Variants in EMCN observed in about 807,000 individuals in gnomAD.
EMCN encodes endomucin.
In EMCN, 37 loss-of-function variants were observed where a neutral mutation model predicts 38.4. That is an observed-to-expected ratio of 0.96 (90% CI 0.74 to 1.27). The LOEUF is 1.27. Among genes scored for constraint, EMCN ranks in the 50% most tolerant of loss-of-function variants. The pLI is 0.00. For synonymous variants in EMCN, 95 were observed against 100.8 expected (o/e 0.94, Z 0.35); for missense variants, 318 against 302.8 (o/e 1.05, Z -0.37).
chr4:100,479,365 G>GT (rs978392146), intron 2 of EMCN, among the ~76,000 whole-genome samples: 11 of 151,520 alleles, frequency 7.3e-5, no homozygotes, highest in South Asian at 2.1e-4. Flanking sequence ...ATAATCTCTT[G>GT]TTTTTTTTAA....
intron 11 of EMCN, among the ~76,000 whole-genome samples, chr4:100,398,696 A>G (rs530655657): frequency 2.0e-5 from 3 of 152,174 alleles, no homozygotes; most frequent in African/African-American, 7.2e-5. Context: ...CTCACTCCCC[A>G]TTGGCCACAT....
At chr4:100,423,784 A>G (rs1726966955) in intron 5 of EMCN, among the ~76,000 whole-genome samples, 1 of 152,024 alleles carries the variant, frequency 6.6e-6, no homozygotes. Context: ...TTTTTCTATC[A>G]CACATAGTTA....
intron 5 of EMCN, among the ~76,000 whole-genome samples, chr4:100,434,084 G>T (rs1457072138): frequency 6.6e-6 from 1 of 151,972 alleles, no homozygotes; most frequent in Non-Finnish European, 1.5e-5. Context: ...ATGAATCCAG[G>T]AGTTGGCTTT....
intron 2 of EMCN, among the ~76,000 whole-genome samples, chr4:100,479,282 A>G (rs1234137663): frequency 6.8e-6 from 1 of 147,444 alleles, no homozygotes; most frequent in Non-Finnish European, 1.5e-5. Flanking sequence ...TTTTCCATTG[A>G]TTACAGGACC....
At chr4:100,400,359 T>TG (rs1726223126) in intron 11 of EMCN, among the ~76,000 whole-genome samples, 1 of 147,146 alleles carries the variant, frequency 6.8e-6, no homozygotes, top group African/African-American at 2.5e-5. Context: ...CCACATTTTT[T>TG]TTTTTTGTTT....
At chr4:100,517,660 C>A (rs905592833) in intron 1 of EMCN, among the ~76,000 whole-genome samples, 191 bp downstream of exon 1, 1 of 152,050 alleles carries the variant, frequency 6.6e-6, no homozygotes, top group African/African-American at 2.4e-5. Flanking sequence ...AAACATTTCC[C>A]TTCAGTAGAA....
At chr4:100,466,160 C>T (rs1263910751) in intron 3 of EMCN, among the ~76,000 whole-genome samples, 1 of 152,098 alleles carries the variant, frequency 6.6e-6, no homozygotes, top group Non-Finnish European at 1.5e-5. Flanking sequence ...AATAAGATGA[C>T]TTGAAACAAC....
At chr4:100,414,456 G>T (rs1177102814) in intron 10 of EMCN, among the ~76,000 whole-genome samples, 1 of 149,890 alleles carries the variant, frequency 6.7e-6, no homozygotes, top group East Asian at 2.0e-4. Context: ...ACTGTGAGTG[G>T]CTTCTAACCA....
chr4:100,479,226 T>C (rs1321111101), intron 2 of EMCN, among the ~76,000 whole-genome samples: 5 of 152,210 alleles, frequency 3.3e-5, no homozygotes, highest in Admixed American at 2.0e-4. Context: ...TCTATGACCT[T>C]AGCATTCTAA....
At position 100,442,175 on chromosome 4, in the gene EMCN, A is replaced by G. The variant is rs534789775; in HGVS notation, c.415+5358T>C. Among the ~76,000 whole-genome samples, 19 of 152,300 alleles carry G rather than the reference A, an allele frequency of 1.2e-4. No homozygotes were observed. The South Asian group carries it at 3.7e-3, about 30-fold the overall frequency. ...TTTGTTGAACATAGTATAGTTGGCT[A>G]GCAATGCTTTTGTTCTTTCAGCTCT... On this transcript the variant is annotated intron_variant, in intron 5 of 11. Transcript: ENST00000296420.
intron 5 of EMCN, among the ~76,000 whole-genome samples, chr4:100,432,368 T>G (rs958942601): frequency 6.6e-6 from 1 of 152,110 alleles, no homozygotes; most frequent in Non-Finnish European, 1.5e-5. Context: ...TTATCTGAAG[T>G]TCACCCATGA....
At position 100,517,965 on chromosome 4, in the gene EMCN, C is replaced by A. The variant is rs757330047; in HGVS notation, c.-51G>T. On this transcript the variant is annotated 5_prime_UTR_variant, in exon 1 of 12. Coordinates refer to ENST00000296420, the MANE Select transcript of EMCN (RefSeq NM_016242.4). The stretch of plus-strand genomic sequence containing the variant: ...TTCTTTCTCCAGAAGCAGGCAGGGA[C>A]AATTCCCTCCCAGCCTGGCAGGGCC... The A allele has an allele frequency of 1.3e-6, 2 of 1,574,550 alleles. No homozygotes were observed. The highest frequency in any genetic ancestry group is 1.7e-6 in the Non-Finnish European group (2 of 1,144,492).
intron 5 of EMCN, among the ~76,000 whole-genome samples, chr4:100,425,909 C>A (rs935918772): frequency 6.6e-6 from 1 of 151,994 alleles, no homozygotes; most frequent in Non-Finnish European, 1.5e-5. Flanking sequence ...TGGACCCTGA[C>A]TTTTGGTGAT....
chr4:100,480,113 G>A (rs140584761), intron 1 of EMCN, 74 bp from the exon 2 acceptor site: 2 of 1,310,664 alleles, frequency 1.5e-6, no homozygotes, highest in Non-Finnish European at 2.1e-6. Flanking sequence ...ATTTAAACAA[G>A]TGTACTGGTC....
At chr4:100,468,729 TA>T (rs536743664) in intron 3 of EMCN, among the ~76,000 whole-genome samples, 10 of 151,930 alleles carry the variant, frequency 6.6e-5, no homozygotes, top group South Asian at 4.2e-4. Context: ...AAAACATTAA[TA>T]AAAAAACTGA....
chr4:100,501,916 C>T (rs1197809617), intron 1 of EMCN, among the ~76,000 whole-genome samples: 2 of 150,764 alleles, frequency 1.3e-5, no homozygotes, highest in Non-Finnish European at 2.9e-5. Context: ...TACATGGTGT[C>T]ATTTGTTTGG....
At chr4:100,465,951 A>G (rs1728304357) in intron 3 of EMCN, among the ~76,000 whole-genome samples, 3 of 152,196 alleles carry the variant, frequency 2.0e-5, no homozygotes, top group Non-Finnish European at 4.4e-5. Context: ...AAAGAAAGGT[A>G]AGGATGTGGT....
intron 11 of EMCN, among the ~76,000 whole-genome samples, chr4:100,400,654 A>G (rs1318716048): frequency 2.0e-5 from 3 of 152,134 alleles, no homozygotes; most frequent in Non-Finnish European, 2.9e-5. Flanking sequence ...TGAGTTTTCA[A>G]GTGAAGTCAA....
intron 1 of EMCN, among the ~76,000 whole-genome samples, chr4:100,491,140 A>G (rs1394687021): frequency 6.6e-6 from 1 of 152,110 alleles, no homozygotes; most frequent in East Asian, 1.9e-4. Flanking sequence ...CCTTTGATGT[A>G]TAGGGCTTTT....
Sources: gnomAD v4.1 joint callset for allele counts (sites outside exome capture counted in the v4.1 genomes callset) on GRCh38, gnomAD v4.1.1 for gene constraint, MANE v1.5 for transcripts, NCBI Gene and HGNC (gene_info 2026-07-23, HGNC 2026-07-21) for gene names.